The following MARK3 variants were observed in gnomAD, a reference collection of about 807,000 sequenced individuals.
MARK3 encodes the protein microtubule affinity regulating kinase 3, also known as MAP/microtubule affinity-regulating kinase 3.
A neutral mutation model predicts 90.1 loss-of-function variants in MARK3; 46 were observed. The ratio of observed to expected loss-of-function variants is 0.51; its 90% CI spans 0.40 to 0.65. The LOEUF is 0.65. Among genes scored for constraint, MARK3 ranks in the 30% least tolerant of loss-of-function variants. MARK3 has a pLI of 0.00. For synonymous variants in MARK3, 321 were observed against 332.6 expected, an observed-to-expected ratio of 0.97 and a Z score of 0.38; for missense variants, 818 against 947.2, an observed-to-expected ratio of 0.86 and a Z score of 1.79.
At chr14:103,399,905 T>A (rs2140567970) in intron 1 of MARK3, among the ~76,000 whole-genome samples, 1 of 146,452 alleles carries the variant, frequency 6.8e-6, no homozygotes, top group Non-Finnish European at 1.5e-5. Flanking sequence ...GAAGGAACTG[T>A]ACTGGCAACT....
chr14:103,398,158 A>C (rs980191017), intron 1 of MARK3, among the ~76,000 whole-genome samples: 15 of 152,206 alleles, frequency 9.9e-5, no homozygotes, highest in African/African-American at 3.6e-4. Flanking sequence ...TCACCACAAA[A>C]AAAATGCTTC....
At chr14:103,395,477 C>T (rs139863404) in intron 1 of MARK3, among the ~76,000 whole-genome samples, 1 of 152,238 alleles carries the variant, frequency 6.6e-6, no homozygotes, top group African/African-American at 2.4e-5. Flanking sequence ...TCATCTCTGT[C>T]AGGCTGGCCT....
rs1005251856 is a variant in MARK3, at chr14:103,452,145, G to A, written c.412+162G>A. 1.5e-5 allele frequency: 8 copies of A among 530,340 alleles called. No homozygotes were observed. In the South Asian group the frequency reaches 1.7e-4, roughly 11 times the overall value. The allele number at this position is 530,340 out of a possible 1,614,324, so 32.9% of individuals were successfully genotyped here. ...AAAAGCTGACTCTTAGCACTTCTAG[G>A]GGTTGCCATGAAGTGTTTCACTATT... is the stretch of plus-strand genomic sequence containing the variant. On this transcript the variant is annotated intron_variant, in intron 5 of 17. Coordinates refer to ENST00000429436, the MANE Select transcript of MARK3 (RefSeq NM_001128918.3).
At chr14:103,475,302 T>A in intron 13 of MARK3, 92 bp downstream of exon 13, 1 of 1,028,182 alleles carries the variant, frequency 9.7e-7, no homozygotes, top group Non-Finnish European at 1.5e-6. Flanking sequence ...TGGTCTCTCG[T>A]ACTGGAATGC....
intron 2 of MARK3, among the ~76,000 whole-genome samples, chr14:103,425,061 C>T (rs1453352882): frequency 6.6e-6 from 1 of 151,980 alleles, no homozygotes; most frequent in African/African-American, 2.4e-5. Context: ...CTGCCTTAGC[C>T]TCCCGAGTAG....
chr14:103,454,367 C>T (rs1038964957), intron 5 of MARK3, among the ~76,000 whole-genome samples: 2 of 152,080 alleles, frequency 1.3e-5, no homozygotes, highest in African/African-American at 4.8e-5. Context: ...ATTCTCCTGC[C>T]TCAGCTTCCT....
In MARK3 at chr14:103,413,750, G is replaced by A. The variant is rs180724724; in HGVS notation, c.243+8483G>A. Reference sequence around the variant, plus strand: ...TGAGATTACAGGCGTGAGCCACCACGCCTGGTCAGTTGTCTTTTTTTGAGA... The same window carrying A: ...TGAGATTACAGGCGTGAGCCACCACACCTGGTCAGTTGTCTTTTTTTGAGA... On this transcript the variant is annotated intron_variant, in intron 2 of 17. Coordinates refer to ENST00000429436, the MANE Select transcript of MARK3 (RefSeq NM_001128918.3). Among the ~76,000 whole-genome samples the A allele has an allele frequency of 1.3e-4, 20 of 152,082 alleles. No homozygotes were observed. The East Asian group carries it at 3.7e-3, about 28-fold the overall frequency.
intron 13 of MARK3, among the ~76,000 whole-genome samples, chr14:103,477,283 G>A (rs1324116402): frequency 6.6e-6 from 1 of 152,136 alleles, no homozygotes; most frequent in Non-Finnish European, 1.5e-5. Context: ...CTTGAGGTCA[G>A]GAGTTCAAGA....
intron 14 of MARK3, among the ~76,000 whole-genome samples, chr14:103,489,025 T>A (rs145899812): frequency 6.6e-6 from 1 of 152,184 alleles, no homozygotes; most frequent in Non-Finnish European, 1.5e-5. Context: ...GGGGGGCACA[T>A]TGACAAGATT....
intron 1 of MARK3, among the ~76,000 whole-genome samples, chr14:103,402,983 A>G (rs2091052023): frequency 6.6e-6 from 1 of 152,140 alleles, no homozygotes; most frequent in Non-Finnish European, 1.5e-5. Context: ...TTCAGCAGCC[A>G]GGCTTACAGA....
At chr14:103,395,996 G>T (rs2090556386) in intron 1 of MARK3, among the ~76,000 whole-genome samples, 1 of 152,192 alleles carries the variant, frequency 6.6e-6, no homozygotes, top group Non-Finnish European at 1.5e-5. Context: ...GAATGCCCAT[G>T]TTCCAGGGAG....
chr14:103,469,649 C>T (rs934437238), intron 12 of MARK3, among the ~76,000 whole-genome samples: 6 of 151,956 alleles, frequency 3.9e-5, no homozygotes, highest in African/African-American at 7.2e-5. Context: ...GACGGGATTT[C>T]ACCATGTTGG....
In MARK3 at chr14:103,503,259, T is replaced by TA; in HGVS notation, c.*32_*33insA. ...GATTATGATGTAAATTAAGTAGCAA[T>TA]TAAAGTGTTTTCCTGAACACTGATG... On this transcript the variant is annotated 3_prime_UTR_variant, in exon 18 of 18. Transcript: ENST00000429436. 6.5e-7 allele frequency: 1 copy of TA among 1,536,228 alleles called. No individual in the cohort carries two copies. Among genetic ancestry groups the TA allele is most frequent in the Non-Finnish European group, 8.9e-7 (1 of 1,122,234 alleles).
At chr14:103,475,921 CGACAGAGCGA>C (rs1186672185) in intron 13 of MARK3, among the ~76,000 whole-genome samples, 2 of 149,500 alleles carry the variant, frequency 1.3e-5, no homozygotes, top group Non-Finnish European at 3.0e-5. Context: ...TCTAGCCTGG[CGACAGAGCGA>C]GACTCCTTCT....
At chr14:103,454,810 G>A (rs997466509) in intron 5 of MARK3, among the ~76,000 whole-genome samples, 15 of 152,196 alleles carry the variant, frequency 9.9e-5, no homozygotes, top group East Asian at 3.9e-4. Context: ...TATGCCAAGG[G>A]GTCCATAGCT....
chr14:103,390,986 C>G (rs2090200098), intron 1 of MARK3, among the ~76,000 whole-genome samples: 1 of 152,196 alleles, frequency 6.6e-6, no homozygotes, highest in Non-Finnish European at 1.5e-5. Context: ...ACTGGAATTA[C>G]AGGTGTGAGC....
chr14:103,500,265 G>T, intron 17 of MARK3, 65 bp downstream of exon 17: 1 of 1,223,170 alleles, frequency 8.2e-7, no homozygotes, highest in South Asian at 1.4e-5. Flanking sequence ...TGGCAGAGGC[G>T]ACTATTTTCT....
At chr14:103,490,530 TAAATA>T (rs1199290341) in intron 14 of MARK3, 2 of 151,900 alleles carry the variant, frequency 1.3e-5, no homozygotes, top group Non-Finnish European at 2.9e-5. Context: ...ACAAAAAAAA[TAAATA>T]AAGAAAAAAT....
At chr14:103,487,299 G>T (rs1278229518) in intron 14 of MARK3, among the ~76,000 whole-genome samples, 1 of 151,508 alleles carries the variant, frequency 6.6e-6, no homozygotes, top group Non-Finnish European at 1.5e-5. Flanking sequence ...AGACCAGCCT[G>T]GGCCATGACG....
Sources: allele counts gnomAD v4.1 joint callset (sites outside exome capture counted in the v4.1 genomes callset), GRCh38; gene constraint gnomAD v4.1.1; transcripts MANE v1.5; gene names NCBI Gene and HGNC (gene_info 2026-07-23, HGNC 2026-07-21).